RGS5: variants seen among roughly 807,000 people sequenced by gnomAD.
RGS5 encodes the protein regulator of G-protein signalling 5.
In RGS5, 20 loss-of-function variants were observed where a neutral mutation model predicts 18.9. The ratio of observed to expected loss-of-function variants is 1.06; its 90% CI spans 0.74 to 1.54. The LOEUF (loss-of-function observed/expected upper bound fraction) is 1.54. RGS5 is among the 40% of genes most tolerant of loss of function. RGS5 has a pLI of 0.00. For synonymous variants in RGS5, 57 were observed against 76.2 expected, an observed-to-expected ratio of 0.75 and a Z score of 1.31; for missense variants, 201 against 211.8, an observed-to-expected ratio of 0.95 and a Z score of 0.32.
At chr1:163,205,345 T>TAAAAA (rs35747068), upstream of RGS5, among the ~76,000 whole-genome samples, 2 of 72,718 alleles carry the variant, frequency 2.8e-5, no homozygotes, top group Admixed American at 1.6e-4. Flanking sequence ...TTAACCACAG[T>TAAAAA]AAAAAAAAAA....
chr1:163,168,472 A>G (rs1288943423), intron 1 of RGS5, 104 bp from the exon 2 acceptor site: 8 of 797,264 alleles, frequency 1.0e-5, no homozygotes, highest in Non-Finnish European at 2.1e-6. Flanking sequence ...ACAAAATCCC[A>G]TTTCACTTTT....
chr1:163,258,645 CTG>C (rs113301415), intron 2 of RGS5, among the ~76,000 whole-genome samples: 8,162 of 148,010 alleles, frequency 0.055, 234 homozygotes, highest in South Asian at 0.094. Context: ...GTAAGTGTGT[CTG>C]TGTGTGTGTG....
Position 163,144,162 on chromosome 1 carries a change from G to A in RGS5, c.*3180C>T, listed in dbSNP as rs188139722. 1.3e-5 allele frequency: 2 copies of A among 152,216 alleles called. No homozygotes were observed. The highest frequency in any genetic ancestry group is 3.9e-4 in the East Asian group (2 of 5,174). 9.4% of individuals were successfully genotyped at this position (152,216 alleles called of 1,614,324 possible). On this transcript the variant is annotated 3_prime_UTR_variant, in exon 5 of 5. Transcript: ENST00000313961. ...GATTTGAAAGCAAAGTTACTGAAATGCCTCAGTTAGTTCTGCATTTTAAAA... is the reference window on the plus strand; with the variant it reads ...GATTTGAAAGCAAAGTTACTGAAATACCTCAGTTAGTTCTGCATTTTAAAA...
intron 3 of RGS5, among the ~76,000 whole-genome samples, chr1:163,161,372 G>A (rs1243983757): frequency 6.6e-6 from 1 of 152,132 alleles, no homozygotes; most frequent in Non-Finnish European, 1.5e-5. Flanking sequence ...AGTCTGCACT[G>A]ATCAGCACCT....
chr1:163,231,988 C>G (rs1416827993), intron 2 of RGS5, among the ~76,000 whole-genome samples: 1 of 151,732 alleles, frequency 6.6e-6, no homozygotes, highest in Non-Finnish European at 1.5e-5. Flanking sequence ...AAAAAAAAAC[C>G]TAGAAGTTAT....
chr1:163,272,106 T>C (rs965985755), intron 2 of RGS5, among the ~76,000 whole-genome samples: 3 of 151,928 alleles, frequency 2.0e-5, no homozygotes, highest in Non-Finnish European at 4.4e-5. Flanking sequence ...GGTGTCTGTG[T>C]TTATTATTAT....
At chr1:163,180,975 T>C (rs1658817594) in intron 1 of RGS5, among the ~76,000 whole-genome samples, 1 of 152,116 alleles carries the variant, frequency 6.6e-6, no homozygotes, top group African/African-American at 2.4e-5. Flanking sequence ...ATTACAGGCG[T>C]GAGCCACCGC....
intron 1 of RGS5, among the ~76,000 whole-genome samples, chr1:163,216,853 T>G (rs1261480705): frequency 6.6e-6 from 1 of 152,168 alleles, no homozygotes; most frequent in Non-Finnish European, 1.5e-5. Context: ...TTGAAATAAA[T>G]TTTGATTCAC....
intron 1 of RGS5, among the ~76,000 whole-genome samples, chr1:163,187,148 A>G (rs945104494): frequency 1.3e-5 from 2 of 152,160 alleles, no homozygotes; most frequent in African/African-American, 2.4e-5. Context: ...TCAGGGCCCA[A>G]TCTGGACCAG....
At chr1:163,271,352 A>T (rs774947286) in intron 2 of RGS5, among the ~76,000 whole-genome samples, 18 of 152,252 alleles carry the variant, frequency 1.2e-4, no homozygotes, top group Non-Finnish European at 2.4e-4. Context: ...GATGTCATGA[A>T]GGTAGAGCCC....
chr1:163,294,387 G>A (rs1339820260), intron 2 of RGS5, among the ~76,000 whole-genome samples: 5 of 152,220 alleles, frequency 3.3e-5, no homozygotes, highest in Non-Finnish European at 1.5e-5. Context: ...ACGCCGTTAC[G>A]CCATCTGAAA....
At chr1:163,234,661 A>G (rs1033990473) in intron 2 of RGS5, among the ~76,000 whole-genome samples, 2 of 152,168 alleles carry the variant, frequency 1.3e-5, no homozygotes, top group Non-Finnish European at 2.9e-5. Context: ...AAGATTTTTT[A>G]TAACAAAATC....
At chr1:163,178,584 C>T (rs1658668508) in intron 1 of RGS5, among the ~76,000 whole-genome samples, 1 of 151,988 alleles carries the variant, frequency 6.6e-6, no homozygotes, top group African/African-American at 2.4e-5. Context: ...ATACCTAAAC[C>T]CACACAAGGG....
intron 2 of RGS5, among the ~76,000 whole-genome samples, chr1:163,241,736 T>A (rs1487064612): frequency 1.3e-5 from 2 of 152,090 alleles, no homozygotes; most frequent in African/African-American, 4.8e-5. Context: ...TAGTTTAAGA[T>A]AGAGAACAGT....
rs899937604 is a variant in RGS5 at position 163,166,878 on chromosome 1, G to C, written c.155+1380C>G. Among the ~76,000 whole-genome samples the C allele has an allele frequency of 2.0e-5, 3 of 152,050 alleles. No homozygotes were observed. In the South Asian group the frequency reaches 6.2e-4, roughly 32 times the overall value. ...CTATTTTTTTAAAGTTAATACCAACGGATCAATAAATTGTCACATTGTTTA... is the reference window on the plus strand; with the variant it reads ...CTATTTTTTTAAAGTTAATACCAACCGATCAATAAATTGTCACATTGTTTA... On this transcript the variant is annotated intron_variant, in intron 2 of 4. Transcript: ENST00000313961.
At chr1:163,252,668 T>C (rs1648140915) in intron 2 of RGS5, among the ~76,000 whole-genome samples, 1 of 150,132 alleles carries the variant, frequency 6.7e-6, no homozygotes, top group Non-Finnish European at 1.5e-5. Flanking sequence ...ATGAATGCTA[T>C]AAGAATGCAC....
At chr1:163,163,384 T>A (rs1571223855) in intron 2 of RGS5, among the ~76,000 whole-genome samples, 1 of 152,134 alleles carries the variant, frequency 6.6e-6, no homozygotes, top group Non-Finnish European at 1.5e-5. Context: ...ACAGGCATCA[T>A]AGATGGAAAA....
intron 2 of RGS5, among the ~76,000 whole-genome samples, chr1:163,262,627 T>G (rs1648475473): frequency 8.3e-6 from 1 of 120,730 alleles, no homozygotes; most frequent in Non-Finnish European, 1.7e-5. Context: ...TACGTGTGCA[T>G]GTGTCTTTAT....
rs190359632 is a variant in RGS5 at position 163,308,947 on chromosome 1, T to C, written c.-377-2618A>G. On this transcript the variant is annotated intron_variant, in intron 1 of 5. Coordinates refer to the RGS5 transcript ENST00000618415. Reference sequence around the variant, plus strand: ...AAATACACAAATCCTAAGTTAAAAATACTTTATTGCTAAAAAATGCTAATG... The same window carrying C: ...AAATACACAAATCCTAAGTTAAAAACACTTTATTGCTAAAAAATGCTAATG... Among the ~76,000 whole-genome samples the C allele has an allele frequency of 3.6e-4, 55 of 152,332 alleles. 1 individual carries two copies. The highest frequency in any genetic ancestry group is 6.5e-4 in the Admixed American group (10 of 15,304).
Sources: gnomAD v4.1 joint callset for allele counts (sites outside exome capture counted in the v4.1 genomes callset) on GRCh38, gnomAD v4.1.1 for gene constraint, MANE v1.5 for transcripts, NCBI Gene and HGNC (gene_info 2026-07-23, HGNC 2026-07-21) for gene names.